The following CRYBG2 variants were observed in gnomAD, a reference collection of about 807,000 sequenced individuals.
CRYBG2 encodes the protein crystallin beta-gamma domain containing 2.
Under a neutral mutation model 153.4 loss-of-function variants are expected in CRYBG2, and 106 were observed. The observed-to-expected ratio is 0.69, with a 90% confidence interval of 0.59 to 0.81. The LOEUF is 0.81. Ranked by LOEUF, CRYBG2 falls within the 30% of genes least tolerant of loss-of-function variation. The pLI, the probability that CRYBG2 is intolerant of heterozygous loss-of-function variation, is 0.00. For missense variants in CRYBG2, 1,996 were observed against 2,112.0 expected, an observed-to-expected ratio of 0.95 and a Z score of 1.08; for synonymous variants, 851 against 877.8, an observed-to-expected ratio of 0.97 and a Z score of 0.54.
At chr1:26,351,342 T>G (rs1186344975) in intron 1 of CRYBG2, among the ~76,000 whole-genome samples, 4 of 152,188 alleles carry the variant, frequency 2.6e-5, no homozygotes, top group Non-Finnish European at 5.9e-5. Context: ...CGAGCTTCCT[T>G]GTCTCTGATG....
At chr1:26,328,685 C>A in intron 16 of CRYBG2, 49 bp downstream of exon 16, 1 of 1,582,098 alleles carries the variant, frequency 6.3e-7, no homozygotes, top group South Asian at 1.1e-5. Context: ...CTTGCCATGA[C>A]TCATCCCCAC....
Position 26,339,317 on chromosome 1 carries a change from AC to A in CRYBG2, c.3316del (p.Val1106TrpfsTer47), listed in dbSNP as rs1557712143. The A allele has an allele frequency of 6.2e-7, 1 of 1,614,120 alleles. No homozygotes were observed. The highest frequency in any genetic ancestry group is 1.1e-5 in the South Asian group (1 of 91,070). Reference sequence around the variant, plus strand: ...TCCTGCAGAGACGGTGGCAGATGCCACCTGCAGGGGCTTCTCCAGACCCTGG... The same window carrying A: ...TCCTGCAGAGACGGTGGCAGATGCCACTGCAGGGGCTTCTCCAGACCCTGG... Reference protein sequence around the residue: ...NSQGLEKPLQVASATVSAGLW... With the variant: ...NSQGLEKPLQXASATVSAGLW... On this transcript the variant is annotated frameshift_variant, in exon 6 of 20. Transcript: ENST00000308182. LOFTEE classifies it high-confidence loss of function.
intron 1 of CRYBG2, among the ~76,000 whole-genome samples, chr1:26,351,774 G>A (rs1032032637): frequency 5.3e-5 from 8 of 152,246 alleles, no homozygotes; most frequent in Admixed American, 1.3e-4. Flanking sequence ...GTCACCACTC[G>A]ACAGTTCACC....
chr1:26,332,599 T>C (rs2074010041), intron 14 of CRYBG2, among the ~76,000 whole-genome samples: 2 of 151,992 alleles, frequency 1.3e-5, no homozygotes, highest in South Asian at 2.1e-4. Flanking sequence ...CTCCGCCTCC[T>C]GGGTTTAAGC....
rs921884136 is a variant in CRYBG2, at chr1:26,343,272, C to T, written c.2935G>A (p.Gly979Ser). 1 of 1,550,464 alleles carries T rather than the reference C, an allele frequency of 6.4e-7. No individual in the cohort carries two copies. Among genetic ancestry groups the T allele is most frequent in the Non-Finnish European group, 8.7e-7 (1 of 1,146,956 alleles). Reference sequence around the variant, plus strand: ...TTTCCAGGCCTGGTGTTCAGCTTGCCCTGGGTCTTTAAGGCTGGGCTCTGA... The same window carrying T: ...TTTCCAGGCCTGGTGTTCAGCTTGCTCTGGGTCTTTAAGGCTGGGCTCTGA... ...EGWSPALKTQGKLNTRPGKVI... is the reference protein window; with the variant it reads ...EGWSPALKTQSKLNTRPGKVI... Residue 979 changes from glycine (G) to serine (S), a missense_variant, in exon 3 of 20, where the codon GGC becomes AGC. Gly to Ser is a moderately conservative substitution (Grantham distance 56). Transcript: ENST00000308182. This position sits in a 1 kb window ranked among gnomAD's most constrained non-coding sequence, Gnocchi z 4.1.
chr1:26,349,091 C>T (rs1323705452), intron 1 of CRYBG2, among the ~76,000 whole-genome samples: 1 of 151,892 alleles, frequency 6.6e-6, no homozygotes, highest in Non-Finnish European at 1.5e-5. Context: ...ATCGCTTGAA[C>T]CTGGGGGGCG....
At chr1:26,342,943 G>C in intron 4 of CRYBG2, 60 bp from the exon 5 acceptor site, 1 of 1,596,172 alleles carries the variant, frequency 6.3e-7, no homozygotes, top group Admixed American at 1.7e-5. Flanking sequence ...AGGGCTGCTG[G>C]GTAGCTGATG....
In CRYBG2 at chr1:26,346,004, C is replaced by T. The variant is rs367557226; in HGVS notation, c.654G>A (p.Pro218=). Residue 218 remains proline, a synonymous_variant, in exon 2 of 20, where the codon CCG becomes CCA. Coordinates refer to ENST00000308182, the MANE Select transcript of CRYBG2 (RefSeq NM_001039775.4). This position sits in a 1 kb window ranked among gnomAD's most constrained non-coding sequence, Gnocchi z 4.9. The part of the protein sequence containing the change: ...PRGRQVSRMV[P]PVVVGSPPGS... ...CTGGTGGGGAGCCCACCACCACTGG[C>T]GGCACCATGCGGGAGACCTGACGGC... 28 of 1,593,512 alleles carry T rather than the reference C, an allele frequency of 1.8e-5. 1 individual carries two copies. The highest frequency in any genetic ancestry group is 1.2e-4 in the South Asian group (11 of 90,602).
intron 7 of CRYBG2, 60 bp from the exon 8 acceptor site, chr1:26,338,107 G>A (rs764380677): frequency 1.0e-4 from 158 of 1,586,136 alleles, no homozygotes; most frequent in Non-Finnish European, 1.2e-4. Context: ...ATGGGGCTGC[G>A]GATCTAGGAT....
At position 26,343,342 on chromosome 1, in the gene CRYBG2, C is replaced by T; in HGVS notation, c.2914-49G>A. On this transcript the variant is annotated intron_variant, in intron 2 of 19. Coordinates refer to ENST00000308182, the MANE Select transcript of CRYBG2 (RefSeq NM_001039775.4). The surrounding 1 kb of genome is among the most constrained non-coding windows in gnomAD (Gnocchi z 4.1). The stretch of plus-strand genomic sequence containing the variant: ...GAAGTCCTGTGGGGTCACCTCTTTT[C>T]TGCCTCCCCACAACCCGCCATTCCA... 6.5e-7 allele frequency: 1 copy of T among 1,541,066 alleles called. No homozygotes were observed. The highest frequency in any genetic ancestry group is 8.8e-7 in the Non-Finnish European group (1 of 1,138,722).
At position 26,343,289 on chromosome 1, in the gene CRYBG2, G is replaced by A. The variant is rs1393668889; in HGVS notation, c.2918C>T (p.Pro973Leu). The change falls in exon 3 of 20, where the codon CCA (proline) becomes CTA (leucine). Residue 973 changes from proline (P) to leucine (L), a missense_variant. By Grantham distance (98) the Pro-to-Leu change is moderately conservative. Transcript: ENST00000308182. This position sits in a 1 kb window ranked among gnomAD's most constrained non-coding sequence, Gnocchi z 4.1. ...ACSLPLEGWS[P>L]ALKTQGKLNT... ...CAGCTTGCCCTGGGTCTTTAAGGCT[G>A]GGCTCTGAAACGGAGGCAGGTGATA... 6.5e-7 allele frequency: 1 copy of A among 1,550,196 alleles called. No homozygotes were observed. The highest frequency in any genetic ancestry group is 1.2e-5 in the South Asian group (1 of 84,060).
At chr1:26,349,498 G>C (rs1570217760) in intron 1 of CRYBG2, among the ~76,000 whole-genome samples, 1 of 152,044 alleles carries the variant, frequency 6.6e-6, no homozygotes, top group East Asian at 1.9e-4. Flanking sequence ...GGAGGGGTGG[G>C]GCCTGGGTCT....
In CRYBG2 at chr1:26,342,914, T is replaced by TG. The variant is rs1232825916; in HGVS notation, c.3075-32dup. The TG allele has an allele frequency of 5.0e-6, 8 of 1,613,098 alleles. No individual in the cohort carries two copies. The African/African-American group carries it at 6.7e-5, about 13-fold the overall frequency. On this transcript the variant is annotated intron_variant, in intron 4 of 19. Transcript: ENST00000308182. ...GGCACAGAGATTCCAGGATCACAGA[T>TG]GGGGAGGAGGATGTGCCCAGGGCTG...
At position 26,328,323 on chromosome 1, in the gene CRYBG2, T is replaced by C. The variant is rs1280671973; in HGVS notation, c.4464A>G (p.Leu1488=). The change falls in exon 17 of 20, where the codon CTA becomes CTG. Residue 1488 remains leucine, a synonymous_variant. Coordinates refer to ENST00000308182, the MANE Select transcript of CRYBG2 (RefSeq NM_001039775.4). ...GGCCCCGGAAGTCACTGTGTTCACA[T>C]AGCACCCAACTGGGCCCAGCAGGTG... ...SVRIKGGIWV[L]CEHSDFRGRQ... is the part of the protein sequence containing the mutation. 4.5e-6 allele frequency: 7 copies of C among 1,570,746 alleles called. No homozygotes were observed. The highest frequency in any genetic ancestry group is 3.3e-4 in the Middle Eastern group (2 of 6,038).
At chr1:26,329,607 G>A (rs2073975910) in intron 15 of CRYBG2, among the ~76,000 whole-genome samples, 1 of 151,770 alleles carries the variant, frequency 6.6e-6, no homozygotes, top group Non-Finnish European at 1.5e-5. Context: ...AGCCTCCTGA[G>A]TAGCTGAGAC....
At chr1:26,342,988 T>A in intron 4 of CRYBG2, 59 bp downstream of exon 4, 1 of 1,538,576 alleles carries the variant, frequency 6.5e-7, no homozygotes, top group African/African-American at 1.4e-5. Context: ...CACTCCTCAC[T>A]CCCCTCTGCA....
intron 14 of CRYBG2, among the ~76,000 whole-genome samples, chr1:26,333,062 G>C (rs1043636898): frequency 4.9e-5 from 5 of 103,026 alleles, no homozygotes; most frequent in Middle Eastern, 7.2e-3. Flanking sequence ...CTAACAGCGG[G>C]AGAGAGGGAG....
chr1:26,345,416 T>TGTC lies in CRYBG2; in HGVS notation c.1239_1241dup (p.Thr414dup). On this transcript the variant is annotated inframe_insertion, in exon 2 of 20. Coordinates refer to ENST00000308182, the MANE Select transcript of CRYBG2 (RefSeq NM_001039775.4). ...ATGGAGCAGGAGGTTGTCCAGGGAC[T>TGTC]GTCACATGCTCGCTCCTCACCATGG... The TGTC allele has an allele frequency of 6.2e-7, 1 of 1,610,624 alleles. No individual in the cohort carries two copies. The highest frequency in any genetic ancestry group is 8.5e-7 in the Non-Finnish European group (1 of 1,178,270).
rs750107385 is a variant in CRYBG2, at chr1:26,346,129, T to C, written c.529A>G (p.Thr177Ala). Residue 177 changes from threonine (T) to alanine (A), a missense_variant, in exon 2 of 20, where the codon ACT becomes GCT. By Grantham distance (58) the Thr-to-Ala change is moderately conservative (BLOSUM62 0). Coordinates refer to ENST00000308182, the MANE Select transcript of CRYBG2 (RefSeq NM_001039775.4). The surrounding 1 kb of genome is among the most constrained non-coding windows in gnomAD (Gnocchi z 4.9). ...RSLEEYRVTR[T>A]VRTTTVVGGH... Reference sequence around the variant, plus strand: ...CCCACCACTGTGGTGGTCCGCACAGTGCGTGTCACTCGGTATTCCTCGAGG... The same window carrying C: ...CCCACCACTGTGGTGGTCCGCACAGCGCGTGTCACTCGGTATTCCTCGAGG... 6.4e-7 allele frequency: 1 copy of C among 1,562,436 alleles called. No homozygotes were observed. The highest frequency in any genetic ancestry group is 8.6e-7 in the Non-Finnish European group (1 of 1,158,752).
Sources: allele counts gnomAD v4.1 joint callset (sites outside exome capture counted in the v4.1 genomes callset), GRCh38; gene constraint gnomAD v4.1.1; non-coding constraint Gnocchi (gnomAD v3.1); transcripts MANE v1.5; gene names NCBI Gene and HGNC (gene_info 2026-07-23, HGNC 2026-07-21).